Variants in NBEA observed in about 807,000 individuals in gnomAD.
NBEA encodes neurobeachin.
Under a neutral mutation model 343.4 loss-of-function variants are expected in NBEA, and 44 were observed. That is an observed-to-expected ratio of 0.13 (90% confidence interval 0.10 to 0.16). The LOEUF is 0.16. Ranked by LOEUF, NBEA falls within the 10% of genes least tolerant of loss-of-function variation. NBEA has a pLI of 1.00. For missense variants in NBEA, 2,555 were observed against 3,631.3 expected, an observed-to-expected ratio of 0.70 and a Z score of 7.62; for synonymous variants, 1,175 against 1,238.7, an observed-to-expected ratio of 0.95 and a Z score of 1.08.
intron 48 of NBEA, among the ~76,000 whole-genome samples, chr13:35,620,468 C>T (rs1042257511): frequency 6.6e-6 from 1 of 152,002 alleles, no homozygotes; most frequent in African/African-American, 2.4e-5. Flanking sequence ...GCCAGTGGGC[C>T]AGGAAAGGGT....
intron 20 of NBEA, among the ~76,000 whole-genome samples, chr13:35,156,639 G>A (rs2069194759): frequency 6.6e-6 from 1 of 152,068 alleles, no homozygotes; most frequent in African/African-American, 2.4e-5. Flanking sequence ...TGAACTCTGG[G>A]GTAGTCATTG....
intron 27 of NBEA, among the ~76,000 whole-genome samples, chr13:35,176,792 T>C (rs904155905): frequency 1.3e-5 from 2 of 151,780 alleles, no homozygotes; most frequent in East Asian, 3.9e-4. Flanking sequence ...GCTGTGCCAA[T>C]AAAGAACAAG....
intron 41 of NBEA, chr13:35,475,949 C>T (rs779375523): frequency 1.2e-6 from 2 of 1,614,028 alleles, no homozygotes; most frequent in Admixed American, 1.7e-5. Context: ...TCGAGGCCCT[C>T]GTAGCGATTG....
At chr13:35,073,873 T>C (rs1250433829) in intron 10 of NBEA, among the ~76,000 whole-genome samples, 3 of 151,950 alleles carry the variant, frequency 2.0e-5, no homozygotes, top group Admixed American at 6.6e-5. Context: ...GCCCAGGAGG[T>C]GGAGGTTGCC....
At chr13:35,374,056 C>T (rs976442277) in intron 38 of NBEA, among the ~76,000 whole-genome samples, 1 of 152,104 alleles carries the variant, frequency 6.6e-6, no homozygotes, top group Non-Finnish European at 1.5e-5. Context: ...TTTGTTTTAC[C>T]TTTATGGTAT....
chr13:35,498,804 T>C (rs752015068), intron 41 of NBEA, among the ~76,000 whole-genome samples: 3 of 152,144 alleles, frequency 2.0e-5, no homozygotes, highest in Non-Finnish European at 4.4e-5. Flanking sequence ...AAATGTAATG[T>C]GCTAAATGCT....
At chr13:35,331,864 A>G (rs1431389560) in intron 36 of NBEA, among the ~76,000 whole-genome samples, 1 of 152,040 alleles carries the variant, frequency 6.6e-6, no homozygotes, top group Non-Finnish European at 1.5e-5. Context: ...CACTTCATTC[A>G]CTTTCTGTGT....
intron 1 of NBEA, among the ~76,000 whole-genome samples, chr13:35,009,967 T>C (rs1313141569): frequency 1.3e-5 from 2 of 152,088 alleles, no homozygotes; most frequent in Non-Finnish European, 2.9e-5. Context: ...GGAAGTGCCA[T>C]TGAGTGAAAC....
intron 50 of NBEA, 93 bp from the exon 51 acceptor site, chr13:35,646,166 G>T: frequency 2.0e-6 from 2 of 987,300 alleles, no homozygotes; most frequent in African/African-American, 1.6e-5. Flanking sequence ...TTTTTTCATG[G>T]CTGACTTGGG....
At chr13:35,044,603 G>GGTGTGTGTGTGT (rs3045194) in intron 2 of NBEA, among the ~76,000 whole-genome samples, 16 of 142,508 alleles carry the variant, frequency 1.1e-4, no homozygotes, top group Non-Finnish European at 1.8e-4. Flanking sequence ...GCTGTGTTGT[G>GGTGTGTGTGTGT]GTGTGTGTGT....
chr13:35,513,556 A>G (rs2077368471), intron 41 of NBEA, among the ~76,000 whole-genome samples: 1 of 151,500 alleles, frequency 6.6e-6, no homozygotes, highest in Admixed American at 6.6e-5. Flanking sequence ...TTATTATCCA[A>G]CTTACACCTG....
At position 35,672,515 on chromosome 13, in the gene NBEA, T is replaced by G. The variant is rs2153090603; in HGVS notation, c.*1524T>G. The stretch of plus-strand genomic sequence containing the variant: ...ATCAGCGTAATGATTAAGTTATTCA[T>G]CACCAGGCTGTAAGCAATATCTTGA... On this transcript the variant is annotated 3_prime_UTR_variant, in exon 59 of 59. Transcript: ENST00000379939. 1 of 152,776 alleles carries G rather than the reference T, an allele frequency of 6.5e-6. No homozygotes were observed. 9.5% of individuals were successfully genotyped at this position (152,776 alleles called of 1,614,324 possible). A position where few individuals can be genotyped will look rare whatever the true frequency, so the allele number is the denominator to read the frequency against.
At position 35,164,523 on chromosome 13, in the gene NBEA, C is replaced by T. The variant is rs1041337950; in HGVS notation, c.4233+14C>T. 5 of 1,605,118 alleles carry T rather than the reference C, an allele frequency of 3.1e-6. No homozygotes were observed. The African/African-American group carries it at 5.3e-5, about 17-fold the overall frequency. ...ACATCACCAACTGTAAGTACTTTGC[C>T]TCCATCTAGTGGTTATATTTTATAA... On this transcript the variant is annotated intron_variant, in intron 24 of 58. Transcript: ENST00000379939.
At chr13:35,664,915 G>A (rs550275606) in intron 55 of NBEA, among the ~76,000 whole-genome samples, 170 bp from the exon 56 acceptor site, 10 of 152,346 alleles carry the variant, frequency 6.6e-5, no homozygotes, top group Non-Finnish European at 1.0e-4. Context: ...CTAGTTATGC[G>A]CATTTCACAA....
chr13:35,662,666 T>G (rs942054384), intron 55 of NBEA, among the ~76,000 whole-genome samples: 1 of 152,176 alleles, frequency 6.6e-6, no homozygotes, highest in African/African-American at 2.4e-5. Context: ...GAAATCGTAA[T>G]GAAAAAAATA....
At chr13:35,552,121 C>T (rs1000835802) in intron 43 of NBEA, among the ~76,000 whole-genome samples, 1 of 152,196 alleles carries the variant, frequency 6.6e-6, no homozygotes, top group Non-Finnish European at 1.5e-5. Context: ...ACCACATAGA[C>T]TGTTATGTCC....
chr13:35,370,954 A>G (rs1261148931), intron 38 of NBEA, among the ~76,000 whole-genome samples: 4 of 151,874 alleles, frequency 2.6e-5, no homozygotes, highest in Admixed American at 1.3e-4. Flanking sequence ...CCACTAGCCT[A>G]TAATGTTCAT....
chr13:34,953,897 A>C (rs896489187), intron 1 of NBEA, among the ~76,000 whole-genome samples: 1 of 152,204 alleles, frequency 6.6e-6, no homozygotes, highest in African/African-American at 2.4e-5. Context: ...TTCTCAAAGG[A>C]GAGCAAACCC....
rs140534886 is a variant in NBEA at position 35,513,745 on chromosome 13, C to A, written c.6586-36732C>A. Among the ~76,000 whole-genome samples, 227 of 151,942 alleles carry A rather than the reference C, an allele frequency of 1.5e-3. 1 individual carries two copies. The highest frequency in any genetic ancestry group is 5.2e-3 in the African/African-American group (217 of 41,452). On this transcript the variant is annotated intron_variant, in intron 41 of 58. Transcript: ENST00000379939. ...CAGCTAGTTTTTAGTTAAATGTGAG[C>A]AAATTTTAAAGAAATGGACAAAGTA... is the stretch of plus-strand genomic sequence containing the variant.
Sources: allele counts gnomAD v4.1 joint callset (sites outside exome capture counted in the v4.1 genomes callset), GRCh38; gene constraint gnomAD v4.1.1; transcripts MANE v1.5; gene names NCBI Gene and HGNC (gene_info 2026-07-23, HGNC 2026-07-21).